The following GRIN2A variants were observed in gnomAD, a reference collection of about 807,000 sequenced individuals.
GRIN2A encodes glutamate ionotropic receptor NMDA type subunit 2A, also known as glutamate receptor ionotropic, NMDA 2A.
A neutral mutation model predicts 113.4 loss-of-function variants in GRIN2A; 22 were observed. The observed-to-expected ratio is 0.19, with a 90% CI of 0.14 to 0.28. GRIN2A has a LOEUF of 0.28. Among genes scored for constraint, GRIN2A ranks in the 10% least tolerant of loss-of-function variants. GRIN2A has a pLI of 1.00. For synonymous variants in GRIN2A, 827 were observed against 738.4 expected, an observed-to-expected ratio of 1.12 and a Z score of -1.94; for missense variants, 1,502 against 1,887.0, an observed-to-expected ratio of 0.80 and a Z score of 3.78.
At chr16:10,109,104 T>C (rs559303423) in intron 2 of GRIN2A, among the ~76,000 whole-genome samples, 1 of 151,242 alleles carries the variant, frequency 6.6e-6, no homozygotes, top group East Asian at 1.9e-4. Flanking sequence ...TCTGGTGCAT[T>C]ACTACAGACT....
chr16:10,036,455 T>C (rs1299378120), intron 2 of GRIN2A, among the ~76,000 whole-genome samples: 17 of 65,032 alleles, frequency 2.6e-4, no homozygotes, highest in African/African-American at 5.2e-4. Context: ...TTTTCTTTTT[T>C]TTTTTTTTTT....
chr16:9,896,385 G>A (rs1009721977), intron 3 of GRIN2A, among the ~76,000 whole-genome samples: 1 of 152,152 alleles, frequency 6.6e-6, no homozygotes. Flanking sequence ...GGTAGCATAC[G>A]CAGTTGAGCA....
At chr16:10,124,157 G>A (rs1331733922) in intron 2 of GRIN2A, among the ~76,000 whole-genome samples, 3 of 152,172 alleles carry the variant, frequency 2.0e-5, no homozygotes, top group African/African-American at 7.2e-5. Flanking sequence ...TATTGTCATA[G>A]TCTGAGAAGG....
chr16:10,145,011 G>GA (rs909831529), intron 2 of GRIN2A, among the ~76,000 whole-genome samples: 1 of 113,924 alleles, frequency 8.8e-6, no homozygotes, highest in African/African-American at 3.2e-5. Flanking sequence ...AAAAAAAAAA[G>GA]AAAAAAAAGT....
At chr16:10,181,599 A>C (rs2050273262) in intron 1 of GRIN2A, 1 of 152,142 alleles carries the variant, frequency 6.6e-6, no homozygotes, top group African/African-American at 2.4e-5. Flanking sequence ...TGCAAATACC[A>C]GCACGGTCGT....
At chr16:9,902,959 T>TG (rs1191759288) in intron 3 of GRIN2A, among the ~76,000 whole-genome samples, 2 of 24,832 alleles carry the variant, frequency 8.1e-5, no homozygotes, top group Non-Finnish European at 1.3e-4. Flanking sequence ...TTTTTTTTTT[T>TG]GGCGGGGGGG....
chr16:9,991,701 CA>C (rs2046116140), intron 2 of GRIN2A, among the ~76,000 whole-genome samples: 1 of 152,098 alleles, frequency 6.6e-6, no homozygotes, highest in Admixed American at 6.6e-5. Flanking sequence ...ACATATACAC[CA>C]TGGAATACTA....
At chr16:9,768,442 A>G (rs1329427252) in intron 12 of GRIN2A, among the ~76,000 whole-genome samples, 2 of 152,376 alleles carry the variant, frequency 1.3e-5, no homozygotes, top group East Asian at 3.9e-4. Context: ...TTAAAAAACT[A>G]GAAGACCTGA....
intron 2 of GRIN2A, among the ~76,000 whole-genome samples, chr16:10,063,010 T>A (rs975109392): frequency 3.9e-5 from 6 of 152,100 alleles, no homozygotes; most frequent in African/African-American, 1.4e-4. Flanking sequence ...TAAAGAAAAT[T>A]TGGCACATAT....
At chr16:9,804,643 A>C (rs1413235553) in intron 10 of GRIN2A, among the ~76,000 whole-genome samples, 1 of 151,934 alleles carries the variant, frequency 6.6e-6, no homozygotes, top group Non-Finnish European at 1.5e-5. Flanking sequence ...TCCCTATAGA[A>C]GATGTTGGAG....
At chr16:10,128,764 G>A (rs2048999288) in intron 2 of GRIN2A, among the ~76,000 whole-genome samples, 1 of 152,188 alleles carries the variant, frequency 6.6e-6, no homozygotes, top group South Asian at 2.1e-4. Context: ...ATGCAAAACA[G>A]ATGCAAAGAT....
At chr16:10,001,840 A>T (rs955939981) in intron 2 of GRIN2A, among the ~76,000 whole-genome samples, 1 of 152,192 alleles carries the variant, frequency 6.6e-6, no homozygotes, top group Non-Finnish European at 1.5e-5. Context: ...TTGAGGAGAG[A>T]CAAATAAAAT....
chr16:9,892,872 C>T (rs1304372007), intron 3 of GRIN2A, among the ~76,000 whole-genome samples: 1 of 151,284 alleles, frequency 6.6e-6, no homozygotes, highest in Non-Finnish European at 1.5e-5. Flanking sequence ...CAAAGACTTC[C>T]CCAGAAAGAT....
At chr16:10,152,584 C>T (rs994725335) in intron 2 of GRIN2A, among the ~76,000 whole-genome samples, 2 of 152,152 alleles carry the variant, frequency 1.3e-5, no homozygotes, top group African/African-American at 4.8e-5. Flanking sequence ...CTAGCTTGAT[C>T]ACCCTTCTTG....
At chr16:10,181,021 G>A (rs1269841037) in intron 1 of GRIN2A, among the ~76,000 whole-genome samples, 1 of 152,160 alleles carries the variant, frequency 6.6e-6, no homozygotes, top group Non-Finnish European at 1.5e-5. Flanking sequence ...TCTACGCCCA[G>A]CCCCAACTAC....
rs893434812 is a variant in GRIN2A at position 9,757,941 on chromosome 16, C to T, written c.*5208G>A. The stretch of plus-strand genomic sequence containing the variant: ...GGGATCTCTGGCTCTTATTCCAGAG[C>T]TACTCAGGAGTTTCCCCTTGAAAGA... On this transcript the variant is annotated 3_prime_UTR_variant, in exon 13 of 13. Transcript: ENST00000330684. The T allele has an allele frequency of 9.0e-6, 2 of 223,204 alleles. No homozygotes were observed. The allele number at this position is 223,204 out of a possible 1,614,324, so 13.8% of individuals were successfully genotyped here.
At chr16:9,896,039 G>A (rs1267831462) in intron 3 of GRIN2A, among the ~76,000 whole-genome samples, 1 of 148,912 alleles carries the variant, frequency 6.7e-6, no homozygotes, top group Non-Finnish European at 1.5e-5. Flanking sequence ...AACATGAACT[G>A]AATGTCACAG....
intron 2 of GRIN2A, among the ~76,000 whole-genome samples, chr16:10,039,478 G>T (rs1046629266): frequency 6.6e-6 from 1 of 152,060 alleles, no homozygotes; most frequent in East Asian, 1.9e-4. Context: ...TTTGAAAATC[G>T]AGACGCTAAA....
In GRIN2A at chr16:9,955,704, C is replaced by T. The variant is rs138468952; in HGVS notation, c.415-17153G>A. ...CTTACTAATCACTATATCTCCAGCA[C>T]TGTAGAAGCCTAATTCCATTTTTGG... On this transcript the variant is annotated intron_variant, in intron 2 of 12. Coordinates refer to ENST00000330684, the MANE Select transcript of GRIN2A (RefSeq NM_001134407.3). Among the ~76,000 whole-genome samples the T allele has an allele frequency of 5.5e-3, 840 of 152,326 alleles. 5 individuals are homozygous for T. Among genetic ancestry groups the T allele is most frequent in the Admixed American group, 7.6e-3 (116 of 15,300 alleles).
Sources: allele counts gnomAD v4.1 joint callset (sites outside exome capture counted in the v4.1 genomes callset), GRCh38; gene constraint gnomAD v4.1.1; transcripts MANE v1.5; gene names NCBI Gene and HGNC (gene_info 2026-07-23, HGNC 2026-07-21).